Variants in APOL5 observed in about 807,000 individuals in gnomAD.
APOL5 encodes apolipoprotein L, 5.
A neutral mutation model predicts 35.5 loss-of-function variants in APOL5; 29 were observed. The ratio of observed to expected loss-of-function variants is 0.82; its 90% CI spans 0.61 to 1.11. The LOEUF (loss-of-function observed/expected upper bound fraction) is 1.11, where lower values mean the gene tolerates loss of function less well. APOL5 is among the 50% of genes most tolerant of loss of function. The pLI is 0.00. For missense variants in APOL5, 514 were observed against 530.4 expected (o/e 0.97, Z 0.30); for synonymous variants, 188 against 200.2 (o/e 0.94, Z 0.51).
chr22:35,714,699 T>C (rs1045863492), upstream of APOL5, among the ~76,000 whole-genome samples: 2 of 152,120 alleles, frequency 1.3e-5, no homozygotes, highest in Non-Finnish European at 2.9e-5. Flanking sequence ...GAATGCAGGG[T>C]GTCCGACTGA....
At chr22:35,714,107 T>C (rs1192748127), upstream of APOL5, among the ~76,000 whole-genome samples, 5 of 151,608 alleles carry the variant, frequency 3.3e-5, no homozygotes, top group Admixed American at 3.3e-4. Flanking sequence ...AGGTCAGGAG[T>C]TTAAGACCAG....
the APOL5 span, among the ~76,000 whole-genome samples, chr22:35,711,780 A>G: frequency 6.6e-6 from 1 of 151,238 alleles, no homozygotes; most frequent in African/African-American, 2.4e-5. Context: ...GGTTCAGGTG[A>G]TTCCCCTGCC....
chr22:35,728,714 G>A lies in APOL5; in HGVS notation c.1127-9G>A. On this transcript the variant is annotated splice_polypyrimidine_tract_variant and intron_variant, in intron 3 of 4. Coordinates refer to ENST00000249044, the MANE Select transcript of APOL5 (RefSeq NM_030642.1). ...GAAGTTGTAAGACACAGGGACTCAT[G>A]TTCCACAGGGTCTCGCTCACCTCTC... 6.2e-7 allele frequency: 1 copy of A among 1,609,892 alleles called. No individual in the cohort carries two copies. Among genetic ancestry groups the A allele is most frequent in the Non-Finnish European group, 8.5e-7 (1 of 1,178,404 alleles).
rs2146004535 is a variant in APOL5 at position 35,726,355 on chromosome 22, CA to C, written c.288del (p.Glu97ArgfsTer17). The C allele has an allele frequency of 6.2e-7, 1 of 1,614,138 alleles. No individual in the cohort carries two copies. Among genetic ancestry groups the C allele is most frequent in the East Asian group, 2.2e-5 (1 of 44,882 alleles). ...DKDSMPDGNLSEEEKLFLSYF... is the reference protein window; with the variant it reads ...DKDSMPDGNLXEEEKLFLSYF... ...GATTCCATGCCAGATGGAAATCTGT[CA>C]GAGGAGGAAAAATTGTTTCTCTCAT... On this transcript the variant is annotated frameshift_variant, in exon 3 of 5. Transcript: ENST00000249044. LOFTEE classifies it high-confidence loss of function.
chr22:35,720,441 T>C (rs1468661968), intron 1 of APOL5, 127 bp from the exon 2 acceptor site: 2 of 716,756 alleles, frequency 2.8e-6, no homozygotes, highest in African/African-American at 3.9e-5. Flanking sequence ...AGATTTTTGT[T>C]GTATTCTTTT....
At position 35,720,935 on chromosome 22, in the gene APOL5, G is replaced by A. The variant is rs562567171; in HGVS notation, c.142+281G>A. 9.2e-5 allele frequency among the ~76,000 whole-genome samples: 14 copies of A among 152,148 alleles called. No individual in the cohort carries two copies. In the South Asian group the frequency reaches 2.7e-3, roughly 29 times the overall value. On this transcript the variant is annotated intron_variant, in intron 2 of 4. Transcript: ENST00000249044. ...TAATTTTTATATTTTTTGTAGAGAT[G>A]GAGTTTCCCCATGTTGGCCAGGCTG...
At chr22:35,711,434 T>C in the APOL5 span, among the ~76,000 whole-genome samples, 597 of 152,226 alleles carry the variant, frequency 3.9e-3, 4 homozygotes, top group African/African-American at 0.013. Context: ...CATATGTTAG[T>C]TTTATTTTTA....
At chr22:35,709,824 A>C in the APOL5 span, among the ~76,000 whole-genome samples, 1 of 151,560 alleles carries the variant, frequency 6.6e-6, no homozygotes. Context: ...TCCAATGAGC[A>C]TTGATTTTTT....
upstream of APOL5, among the ~76,000 whole-genome samples, chr22:35,715,269 A>T (rs1268534600): frequency 3.4e-4 from 51 of 152,106 alleles, no homozygotes; most frequent in Non-Finnish European, 8.8e-5. Flanking sequence ...CCTCCCCAAA[A>T]TAAAGTCTAA....
At chr22:35,721,035 C>A (rs547887765) in intron 2 of APOL5, among the ~76,000 whole-genome samples, 2 of 152,014 alleles carry the variant, frequency 1.3e-5, no homozygotes, top group South Asian at 2.1e-4. Context: ...TGTGAGCCAC[C>A]GTGCCCAGCT....
chr22:35,716,952 T>C (rs1926763531), upstream of APOL5, among the ~76,000 whole-genome samples: 1 of 150,792 alleles, frequency 6.6e-6, no homozygotes, highest in African/African-American at 2.4e-5. Context: ...CATTTCTTTA[T>C]ACAACTTCAA....
intron 2 of APOL5, among the ~76,000 whole-genome samples, chr22:35,722,147 C>T (rs5995161): frequency 0.33 from 49,809 of 152,052 alleles, 9,193 homozygotes; most frequent in African/African-American, 0.5. Flanking sequence ...TTTTCTTATC[C>T]GTGTCCTTGA....
At chr22:35,709,503 CTT>C in the APOL5 span, among the ~76,000 whole-genome samples, 1 of 152,198 alleles carries the variant, frequency 6.6e-6, no homozygotes, top group African/African-American at 2.4e-5. Flanking sequence ...CAAGAAATTC[CTT>C]TGTTTTATCT....
upstream of APOL5, among the ~76,000 whole-genome samples, chr22:35,715,258 T>G (rs1926709520): frequency 6.6e-6 from 1 of 152,096 alleles, no homozygotes; most frequent in Non-Finnish European, 1.5e-5. Context: ...CCTTCTTGCC[T>G]CCTCCCCAAA....
At chr22:35,719,711 C>T (rs1926892128) in intron 1 of APOL5, among the ~76,000 whole-genome samples, 3 of 147,690 alleles carry the variant, frequency 2.0e-5, no homozygotes, top group Non-Finnish European at 4.5e-5. Flanking sequence ...GCGTGGGCTC[C>T]GACCCCACAG....
At chr22:35,715,811 G>A (rs151239714), upstream of APOL5, among the ~76,000 whole-genome samples, 4 of 152,210 alleles carry the variant, frequency 2.6e-5, no homozygotes, top group African/African-American at 4.8e-5. Flanking sequence ...GTGAAGCTCC[G>A]GGCTGCCACA....
chr22:35,709,246 G>C, the APOL5 span, among the ~76,000 whole-genome samples: 1 of 152,150 alleles, frequency 6.6e-6, no homozygotes, highest in Admixed American at 6.5e-5. Context: ...TCAGTATCTA[G>C]ATATATTCTA....
upstream of APOL5, chr22:35,717,843 A>G: frequency 2.0e-6 from 3 of 1,537,220 alleles, no homozygotes; most frequent in Non-Finnish European, 2.6e-6. Flanking sequence ...TAATCATATT[A>G]TAAGCTTAAA....
the APOL5 span, among the ~76,000 whole-genome samples, chr22:35,710,498 TAC>T: frequency 1.3e-5 from 2 of 150,624 alleles, no homozygotes; most frequent in East Asian, 2.0e-4. Context: ...CATATATATG[TAC>T]ACACACACAC....
Sources: allele counts gnomAD v4.1 joint callset (sites outside exome capture counted in the v4.1 genomes callset), GRCh38; gene constraint gnomAD v4.1.1; transcripts MANE v1.5; gene names NCBI Gene and HGNC (gene_info 2026-07-23, HGNC 2026-07-21).